The following DEAF1 variants were observed in gnomAD, a reference collection of about 807,000 sequenced individuals.
The protein encoded by DEAF1 is DEAF1 transcription factor.
In DEAF1, 53 loss-of-function variants were observed where a neutral mutation model predicts 58.9. The ratio of observed to expected loss-of-function variants is 0.90; its 90% confidence interval spans 0.72 to 1.13. DEAF1 has a LOEUF of 1.13. DEAF1 is among the 50% of genes most tolerant of loss of function. The pLI, the probability that DEAF1 is intolerant of heterozygous loss-of-function variation, is 0.00. For synonymous variants in DEAF1, 385 were observed against 340.4 expected, an observed-to-expected ratio of 1.13 and a Z score of -1.44; for missense variants, 685 against 791.4, an observed-to-expected ratio of 0.87 and a Z score of 1.61.
At chr11:651,825 G>C (rs1164625889) in intron 11 of DEAF1, among the ~76,000 whole-genome samples, 1 of 152,244 alleles carries the variant, frequency 6.6e-6, no homozygotes, top group Non-Finnish European at 1.5e-5. Flanking sequence ...GGCGGAGCTT[G>C]CGGTGAGCTG....
Position 691,541 on chromosome 11 carries a change from G to A in DEAF1, c.347C>T (p.Thr116Met). Residue 116 changes from threonine (T) to methionine (M), a missense_variant, in exon 2 of 12, where the codon ACG becomes ATG. Thr to Met is a moderately conservative substitution (Grantham distance 81, BLOSUM62 -1). Transcript: ENST00000382409. ...VGAAADNVFTTSVANAASISG... is the reference protein window; with the variant it reads ...VGAAADNVFTMSVANAASISG... Reference sequence around the variant, plus strand: ...GATGGATGCCGCGTTCGCCACAGACGTGGTGAAGACATTGTCTGCAGCAGC... The same window carrying A: ...GATGGATGCCGCGTTCGCCACAGACATGGTGAAGACATTGTCTGCAGCAGC... 1 of 1,613,692 alleles carries A rather than the reference G, an allele frequency of 6.2e-7. No individual in the cohort carries two copies. Among genetic ancestry groups the A allele is most frequent in the Non-Finnish European group, 8.5e-7 (1 of 1,180,008 alleles).
chr11:683,424 G>C (rs1015362839), intron 6 of DEAF1, among the ~76,000 whole-genome samples: 12 of 152,160 alleles, frequency 7.9e-5, no homozygotes, highest in African/African-American at 2.9e-4. Context: ...ATTTGCTGGA[G>C]TCTACTATGA....
intron 7 of DEAF1, 38 bp from the exon 8 acceptor site, chr11:679,854 T>C (rs1056988854): frequency 1.9e-6 from 3 of 1,609,504 alleles, no homozygotes; most frequent in East Asian, 4.5e-5. Context: ...GGCCAGGCAG[T>C]GGCGCCCACG....
chr11:645,299 AC>A (rs1325912907), intron 11 of DEAF1, among the ~76,000 whole-genome samples: 2 of 152,192 alleles, frequency 1.3e-5, no homozygotes, highest in Non-Finnish European at 2.9e-5. Context: ...TATGTAAATT[AC>A]GATCAAGTTC....
At chr11:651,714 G>A (rs148350554) in intron 11 of DEAF1, among the ~76,000 whole-genome samples, 2,463 of 152,216 alleles carry the variant, frequency 0.016, 56 homozygotes, top group African/African-American at 0.055. Context: ...GTGAAACCCT[G>A]TCTCTACTAA....
chr11:675,976 G>A (rs1248231703), intron 9 of DEAF1, among the ~76,000 whole-genome samples: 1 of 52,230 alleles, frequency 1.9e-5, no homozygotes, highest in Non-Finnish European at 3.4e-5. Flanking sequence ...CCCGGCACCC[G>A]ACATCCCCCG....
chr11:705,885 G>C (rs1174475053), intron 1 of DEAF1, among the ~76,000 whole-genome samples: 2 of 152,326 alleles, frequency 1.3e-5, no homozygotes, highest in African/African-American at 4.8e-5. Flanking sequence ...GGAAGAGCTC[G>C]AGGCCTCGCC....
chr11:661,039 T>TA (rs1467658736), intron 10 of DEAF1, among the ~76,000 whole-genome samples: 1 of 152,152 alleles, frequency 6.6e-6, no homozygotes, highest in African/African-American at 2.4e-5. Context: ...CTGTCCAACT[T>TA]ACGTATTCTT....
intron 10 of DEAF1, among the ~76,000 whole-genome samples, chr11:664,047 T>C (rs1474577099): frequency 6.6e-6 from 1 of 151,832 alleles, no homozygotes; most frequent in Non-Finnish European, 1.5e-5. Context: ...ACCCCATCTC[T>C]ACTAAAAATA....
chr11:684,949 G>GT lies in DEAF1; in HGVS notation c.818dup (p.Asn273LysfsTer36). On this transcript the variant is annotated frameshift_variant, in exon 6 of 12. Coordinates refer to ENST00000382409, the MANE Select transcript of DEAF1 (RefSeq NM_021008.4). LOFTEE classifies it high-confidence loss of function. ...CACAGGTGCAAGAGGCAGCGTGAGG[G>GT]TTTAAGATCCCATCCTGAGATGTGA... 6.4e-7 allele frequency: 1 copy of GT among 1,551,578 alleles called. No individual in the cohort carries two copies. The highest frequency in any genetic ancestry group is 8.7e-7 in the Non-Finnish European group (1 of 1,147,000).
chr11:653,378 C>T (rs367906281), intron 11 of DEAF1, among the ~76,000 whole-genome samples: 2 of 140,660 alleles, frequency 1.4e-5, no homozygotes, highest in South Asian at 2.3e-4. Context: ...CTCTCTCTCG[C>T]GTGGCTCTGC....
intron 1 of DEAF1, among the ~76,000 whole-genome samples, chr11:701,610 CAT>C (rs1564962984): frequency 5.5e-4 from 83 of 152,050 alleles, no homozygotes; most frequent in African/African-American, 2.0e-3. Context: ...GGGGTTTCAC[CAT>C]GTTAGCCAGG....
At chr11:684,807 G>T in intron 6 of DEAF1, 91 bp downstream of exon 6, 1 of 1,130,864 alleles carries the variant, frequency 8.8e-7, no homozygotes, top group Non-Finnish European at 1.3e-6. Flanking sequence ...AGGGCAGGAG[G>T]GAAACAGCCG....
chr11:660,785 G>A (rs1039245997), intron 10 of DEAF1, among the ~76,000 whole-genome samples: 4 of 152,240 alleles, frequency 2.6e-5, no homozygotes, highest in Non-Finnish European at 5.9e-5. Flanking sequence ...TGGAGAACAA[G>A]GCAGGCAAAA....
intron 5 of DEAF1, 118 bp from the exon 6 acceptor site, chr11:685,081 T>G: frequency 2.8e-6 from 2 of 708,214 alleles, no homozygotes; most frequent in Non-Finnish European, 4.5e-6. Flanking sequence ...ATATAAAAAT[T>G]CTTTTTTTTT....
intron 2 of DEAF1, among the ~76,000 whole-genome samples, chr11:690,813 C>G (rs368898307): frequency 6.6e-6 from 1 of 152,104 alleles, no homozygotes; most frequent in Non-Finnish European, 1.5e-5. Context: ...GGTATGTGAC[C>G]AAGGCTGAAA....
At chr11:645,084 C>T (rs1226982196) in intron 11 of DEAF1, among the ~76,000 whole-genome samples, 1 of 151,276 alleles carries the variant, frequency 6.6e-6, no homozygotes, top group East Asian at 2.0e-4. Flanking sequence ...AACTGCTCAG[C>T]CCTGGGAGGC....
intron 11 of DEAF1, among the ~76,000 whole-genome samples, chr11:652,033 A>C (rs1057111183): frequency 6.6e-6 from 1 of 152,240 alleles, no homozygotes; most frequent in African/African-American, 2.4e-5. Context: ...CTGATATCTA[A>C]TACTCCACCC....
rs897504935 is a variant in DEAF1 at position 674,444 on chromosome 11, C to A, written c.1503+92G>T. ...AAAGGTGGGGCAGGGGCCTTGTGAGCCAAGGTGGGGCTTGCGCAGCTGGGC... is the reference window on the plus strand; with the variant it reads ...AAAGGTGGGGCAGGGGCCTTGTGAGACAAGGTGGGGCTTGCGCAGCTGGGC... On this transcript the variant is annotated intron_variant, in intron 10 of 11. Transcript: ENST00000382409. 7 of 1,577,656 alleles carry A rather than the reference C, an allele frequency of 4.4e-6. No homozygotes were observed. In the African/African-American group the frequency reaches 9.4e-5, roughly 21 times the overall value.
Sources: allele counts gnomAD v4.1 joint callset (sites outside exome capture counted in the v4.1 genomes callset), GRCh38; gene constraint gnomAD v4.1.1; transcripts MANE v1.5; gene names NCBI Gene and HGNC (gene_info 2026-07-23, HGNC 2026-07-21).